CPLANE1: variants seen among roughly 807,000 people sequenced by gnomAD.
CPLANE1 encodes the protein ciliogenesis and planar polarity effector complex subunit 1.
A neutral mutation model predicts 362.5 loss-of-function variants in CPLANE1; 263 were observed. That is an observed-to-expected ratio of 0.73 (90% CI 0.66 to 0.80). The LOEUF (loss-of-function observed/expected upper bound fraction) is 0.80. Ranked by LOEUF, CPLANE1 falls within the 30% of genes least tolerant of loss-of-function variation. The probability of loss-of-function intolerance (pLI) is 0.00; values close to 1 mark genes in which losing one functional copy is unlikely to be tolerated. For synonymous variants in CPLANE1, 1,212 were observed against 1,302.6 expected, an observed-to-expected ratio of 0.93 and a Z score of 1.50; for missense variants, 3,461 against 3,793.4, an observed-to-expected ratio of 0.91 and a Z score of 2.30.
chr5:37,176,852 C>T (rs866887210), intron 30 of CPLANE1, among the ~76,000 whole-genome samples: 27 of 151,684 alleles, frequency 1.8e-4, no homozygotes, highest in African/African-American at 3.9e-4. Flanking sequence ...TCCGCCTCCC[C>T]GGGTCATGCC....
chr5:37,238,202 T>A (rs1036358857), intron 8 of CPLANE1, among the ~76,000 whole-genome samples: 1 of 152,008 alleles, frequency 6.6e-6, no homozygotes, highest in Non-Finnish European at 1.5e-5. Context: ...TGACAGAGTC[T>A]CCCTCTGTCA....
At chr5:37,138,630 A>C (rs1164549290) in intron 46 of CPLANE1, 90 bp downstream of exon 46, 7 of 1,407,424 alleles carry the variant, frequency 5.0e-6, no homozygotes, top group Non-Finnish European at 5.9e-6. Context: ...GATTTGTTTC[A>C]TAAAAATCAC....
At chr5:37,196,114 T>C (rs1787339808) in intron 20 of CPLANE1, 118 bp from the exon 21 acceptor site, 1 of 633,910 alleles carries the variant, frequency 1.6e-6, no homozygotes, top group Non-Finnish European at 2.4e-6. Context: ...ACACAGCACA[T>C]GAAATCAGCT....
intron 16 of CPLANE1, chr5:37,210,030 A>T: frequency 1.2e-6 from 1 of 815,436 alleles, no homozygotes; most frequent in Non-Finnish European, 2.1e-6. Flanking sequence ...GAAGTTTTTT[A>T]AAGATACCGA....
At chr5:37,170,415 AC>A in intron 32 of CPLANE1, 84 bp from the exon 33 acceptor site, 2 of 1,286,286 alleles carry the variant, frequency 1.6e-6, no homozygotes, top group African/African-American at 3.0e-5. Context: ...TGAGTATTCT[AC>A]AATAGTCACA....
In CPLANE1 at chr5:37,187,843, C is replaced by T. The variant is rs1244656046; in HGVS notation, c.3812-1G>A. On this transcript the variant is annotated splice_acceptor_variant, in intron 21 of 52. Coordinates refer to ENST00000651892, the MANE Select transcript of CPLANE1 (RefSeq NM_001384732.1). LOFTEE classifies it high-confidence loss of function. ...AGAGCACAAAGTTCTCTGAAGCAAC[C>T]TAAAGCAGGAACACAAATATGAAAG... The T allele has an allele frequency of 2.5e-6, 4 of 1,608,686 alleles. No individual in the cohort carries two copies. In the African/African-American group the frequency reaches 5.4e-5, roughly 22 times the overall value.
At chr5:37,248,741 A>C (rs1477682867) in intron 1 of CPLANE1, among the ~76,000 whole-genome samples, 1 of 152,252 alleles carries the variant, frequency 6.6e-6, no homozygotes, top group African/African-American at 2.4e-5. Flanking sequence ...GCATTAGAAA[A>C]GCATCATTTG....
In CPLANE1 at chr5:37,203,821, T is replaced by C. The variant is rs199846729; in HGVS notation, c.3289+1494A>G. On this transcript the variant is annotated intron_variant, in intron 18 of 52. Transcript: ENST00000651892. ...GCATGAGCCACTGCGCCTGGCTTCA[T>C]GTACACATTTTTGTGTACATGAATA... Among the ~76,000 whole-genome samples the C allele has an allele frequency of 5.9e-5, 9 of 152,328 alleles. No homozygotes were observed. The East Asian group carries it at 1.7e-3, about 29-fold the overall frequency.
At chr5:37,168,642 T>A (rs1227787158) in intron 34 of CPLANE1, 149 bp downstream of exon 34, 2 of 666,622 alleles carry the variant, frequency 3.0e-6, no homozygotes, top group African/African-American at 3.6e-5. Context: ...CCAGCTACAA[T>A]CATTATTTTA....
Position 37,224,553 on chromosome 5 carries a change from A to T in CPLANE1, c.2479T>A (p.Leu827Ile). 1.6e-5 allele frequency: 25 copies of T among 1,550,702 alleles called. No homozygotes were observed. The highest frequency in any genetic ancestry group is 2.2e-5 in the Non-Finnish European group (25 of 1,146,224). ...QSTGDCLNQT[L>I]ELKSINGEEC... ...TGACCATTGATAGATTTAAGTTCTA[A>T]GGTTTGATTCAAGCAATCTCCAGTA... is the stretch of plus-strand genomic sequence containing the variant. The change falls in exon 13 of 53, where the codon TTA (leucine) becomes ATA (isoleucine). Residue 827 changes from leucine to isoleucine, a missense_variant. Leu to Ile is a conservative substitution (Grantham distance 5, BLOSUM62 2). Coordinates refer to ENST00000651892, the MANE Select transcript of CPLANE1 (RefSeq NM_001384732.1).
Position 37,211,506 on chromosome 5 carries a change from T to A in CPLANE1, c.2920+2053A>T, listed in dbSNP as rs777600416. On this transcript the variant is annotated intron_variant, in intron 16 of 52. Coordinates refer to ENST00000651892, the MANE Select transcript of CPLANE1 (RefSeq NM_001384732.1). ...ACTTAAAGAAGAAAGGAATGACATC[T>A]TGGAAGCCCTGACAGGCAGTGCAGC... 7.0e-5 allele frequency: 95 copies of A among 1,349,714 alleles called. No homozygotes were observed. In the Middle Eastern group the frequency reaches 1.5e-3, roughly 21 times the overall value. The allele number at this position is 1,349,714 out of a possible 1,614,324, so 83.6% of individuals were successfully genotyped here.
intron 16 of CPLANE1, chr5:37,211,019 C>T: frequency 1.3e-6 from 1 of 798,378 alleles, no homozygotes; most frequent in Non-Finnish European, 2.3e-6. Flanking sequence ...CTCAGACAGC[C>T]CTAGAGAATG....
intron 46 of CPLANE1, among the ~76,000 whole-genome samples, chr5:37,138,064 C>T (rs1768328976): frequency 6.6e-6 from 1 of 152,104 alleles, no homozygotes; most frequent in Non-Finnish European, 1.5e-5. Context: ...GGTTCAATTG[C>T]TCAAGTGTCT....
intron 35 of CPLANE1, among the ~76,000 whole-genome samples, chr5:37,166,501 G>C (rs1457899936): frequency 6.6e-6 from 1 of 152,156 alleles, no homozygotes. Context: ...GAGAGACAGA[G>C]AGAAAGAGAT....
chr5:37,230,944 T>G lies in CPLANE1; in HGVS notation c.1044A>C (p.Leu348=). 6.4e-7 allele frequency: 1 copy of G among 1,550,788 alleles called. No individual in the cohort carries two copies. The change falls in exon 9 of 53, where the codon CTA becomes CTC. Residue 348 remains leucine, a synonymous_variant. Coordinates refer to ENST00000651892, the MANE Select transcript of CPLANE1 (RefSeq NM_001384732.1). The part of the protein sequence containing the change: ...LVLLTCQGEL[L]TLITFGCSIE... ...TAGAGCAACCAAATGTAATTAATGT[T>G]AGCAATTCACCTTGGCAGGTCAATA... is the stretch of plus-strand genomic sequence containing the variant.
chr5:37,188,534 T>C (rs1784631037), intron 21 of CPLANE1, among the ~76,000 whole-genome samples: 1 of 152,134 alleles, frequency 6.6e-6, no homozygotes. Context: ...TTGGCATGGA[T>C]GTGGTGAAAA....
At chr5:37,135,388 G>A (rs1361747631) in intron 46 of CPLANE1, among the ~76,000 whole-genome samples, 2 of 152,130 alleles carry the variant, frequency 1.3e-5, no homozygotes, top group Non-Finnish European at 2.9e-5. Context: ...AATTTATAAA[G>A]GAAAGAGGTT....
chr5:37,098,755 G>A, the CPLANE1 span, among the ~76,000 whole-genome samples: 1 of 149,952 alleles, frequency 6.7e-6, no homozygotes, highest in African/African-American at 2.5e-5. Flanking sequence ...CAAATAAATG[G>A]AAATTAAACA....
downstream of CPLANE1, among the ~76,000 whole-genome samples, chr5:37,102,580 T>C (rs1340213230): frequency 6.6e-6 from 1 of 152,214 alleles, no homozygotes; most frequent in Non-Finnish European, 1.5e-5. Flanking sequence ...CTGCTTTACC[T>C]GTGTCCCAGA....
Sources: allele counts gnomAD v4.1 joint callset (sites outside exome capture counted in the v4.1 genomes callset), GRCh38; gene constraint gnomAD v4.1.1; transcripts MANE v1.5; gene names NCBI Gene and HGNC (gene_info 2026-07-23, HGNC 2026-07-21).